The following TSC1 variants were observed in gnomAD, a reference collection of about 807,000 sequenced individuals.
The protein encoded by TSC1 is hamartin.
In TSC1, 20 loss-of-function variants were observed where a neutral mutation model predicts 124.3. That is an observed-to-expected ratio of 0.16 (90% confidence interval 0.11 to 0.23). TSC1 has a LOEUF of 0.23. TSC1 is among the 10% of genes least tolerant of loss of function. The pLI is 1.00. For synonymous variants in TSC1, 493 were observed against 539.1 expected (o/e 0.91, Z 1.19); for missense variants, 1,124 against 1,448.5 (o/e 0.78, Z 3.64).
chr9:132,944,750 A>C (rs1045079641), upstream of TSC1: 4 of 397,148 alleles, frequency 1.0e-5, no homozygotes, highest in Non-Finnish European at 1.8e-5. Context: ...CGGAAGGAAG[A>C]GGCTCTTCCA....
rs397514799 is a variant in TSC1, at chr9:132,903,806, AAGG to A, written c.2050_2052del (p.Pro684del). The A allele has an allele frequency of 2.5e-6, 4 of 1,613,784 alleles. No individual in the cohort carries two copies. Among genetic ancestry groups the A allele is most frequent in the African/African-American group, 1.3e-5 (1 of 74,898 alleles). ...TCTCGGAGGGTGCGGATCTCATCTG[AAGG>A]AGGAGAGCCTGATTGTAAAGCAGAG... is the stretch of plus-strand genomic sequence containing the variant. On this transcript the variant is annotated inframe_deletion, in exon 17 of 23. Transcript: ENST00000298552. The surrounding 1 kb of genome is among the most constrained non-coding windows in gnomAD (Gnocchi z 5.9).
rs143549363 is a variant in TSC1 at position 132,893,341 on chromosome 9, G to GT, written c.*2893dup. ...CCTTGACCTTCCTACCTTTGGGTTT[G>GT]TTTTTTTTCTATTCATGACCACGTG... On this transcript the variant is annotated 3_prime_UTR_variant, in exon 23 of 23. Coordinates refer to ENST00000298552, the MANE Select transcript of TSC1 (RefSeq NM_000368.5). 3.9e-5 allele frequency: 9 copies of GT among 232,754 alleles called. No homozygotes were observed. Among genetic ancestry groups the GT allele is most frequent in the Non-Finnish European group, 5.9e-5 (7 of 117,956 alleles). The allele number at this position is 232,754 out of a possible 1,614,324, so 14.4% of individuals were successfully genotyped here. A position where few individuals can be genotyped will look rare whatever the true frequency, so the allele number is the denominator to read the frequency against.
intron 8 of TSC1, among the ~76,000 whole-genome samples, chr9:132,914,981 C>A (rs752000057): frequency 6.6e-6 from 1 of 152,108 alleles, no homozygotes. Context: ...TCAAGACCAG[C>A]CTGGGCAACA....
rs114754502 is a variant in TSC1 at position 132,900,051 on chromosome 9, T to C, written c.2625+664A>G. The stretch of plus-strand genomic sequence containing the variant: ...TCTCTCCAGTTCTAAGACTCCTCTC[T>C]ACATCCGGCCGAAAAAGACTCTTTA... On this transcript the variant is annotated intron_variant, in intron 20 of 22. Coordinates refer to ENST00000298552, the MANE Select transcript of TSC1 (RefSeq NM_000368.5). The C allele has an allele frequency of 3.4e-3, 527 of 155,716 alleles. 4 individuals are homozygous for C. Among genetic ancestry groups the C allele is most frequent in the African/African-American group, 0.012 (491 of 41,570 alleles). 9.6% of individuals were successfully genotyped at this position (155,716 alleles called of 1,614,324 possible). A position where few individuals can be genotyped will look rare whatever the true frequency, so the allele number is the denominator to read the frequency against.
chr9:132,920,218 C>A (rs973685152), intron 8 of TSC1, among the ~76,000 whole-genome samples: 5 of 152,222 alleles, frequency 3.3e-5, no homozygotes, highest in African/African-American at 1.2e-4. Context: ...GTCCTCCTCT[C>A]ATCTCCTGGA....
At chr9:132,922,214 T>G (rs1846606723) in intron 6 of TSC1, among the ~76,000 whole-genome samples, 1 of 152,236 alleles carries the variant, frequency 6.6e-6, no homozygotes, top group Non-Finnish European at 1.5e-5. Context: ...ACTAGTATGA[T>G]CCATGAAGGC....
intron 8 of TSC1, among the ~76,000 whole-genome samples, chr9:132,916,730 C>A (rs2132069411): frequency 6.6e-6 from 1 of 152,268 alleles, no homozygotes; most frequent in South Asian, 2.1e-4. Context: ...TAATGAAATG[C>A]AAAGAATCCA....
chr9:132,927,256 G>A lies in TSC1; in HGVS notation c.155C>T (p.Thr52Ile). Reference sequence around the variant, plus strand: ...GATGTGCAATGCCGGCTGAGAGCTGGTTTCCAGGTAATAATCCACCAAGGT... The same window carrying A: ...GATGTGCAATGCCGGCTGAGAGCTGATTTCCAGGTAATAATCCACCAAGGT... ...VNTLVDYYLETSSQPALHILT... is the reference protein window; with the variant it reads ...VNTLVDYYLEISSQPALHILT... Residue 52 changes from threonine to isoleucine, a missense_variant, in exon 4 of 23, where the codon ACC becomes ATC. Around this residue, in one of 5 missense-constraint regions of TSC1, gnomAD observed 463 missense variants for 606.8 expected, o/e 0.76. Coordinates refer to ENST00000298552, the MANE Select transcript of TSC1 (RefSeq NM_000368.5). 6.2e-7 allele frequency: 1 copy of A among 1,614,058 alleles called. No homozygotes were observed. The highest frequency in any genetic ancestry group is 8.5e-7 in the Non-Finnish European group (1 of 1,179,966).
Position 132,931,939 on chromosome 9 carries a change from G to A in TSC1, c.-80-2987C>T, listed in dbSNP as rs557293897. ...TAAACACACTTTACAGCCTATAGAA[G>A]ACTGGCTGAGAAAAGTCAATTAAAG... On this transcript the variant is annotated intron_variant, in intron 2 of 22. Transcript: ENST00000298552. Among the ~76,000 whole-genome samples, 3 of 152,282 alleles carry A rather than the reference G, an allele frequency of 2.0e-5. No homozygotes were observed. In the East Asian group the frequency reaches 5.8e-4, roughly 29 times the overall value.
At chr9:132,914,247 G>A (rs1377349165) in intron 8 of TSC1, among the ~76,000 whole-genome samples, 1 of 152,002 alleles carries the variant, frequency 6.6e-6, no homozygotes, top group Non-Finnish European at 1.5e-5. Context: ...GTGATCCATG[G>A]TTTCACTTCT....
chr9:132,920,512 C>A (rs1170016240), intron 8 of TSC1, among the ~76,000 whole-genome samples: 1 of 152,136 alleles, frequency 6.6e-6, no homozygotes, highest in Non-Finnish European at 1.5e-5. Flanking sequence ...ATTTTCTATA[C>A]TTCTCTACAT....
Position 132,903,898 on chromosome 9 carries a change from C to G in TSC1, c.2042-81G>C. 6.6e-7 allele frequency: 1 copy of G among 1,524,250 alleles called. No homozygotes were observed. The highest frequency in any genetic ancestry group is 2.3e-5 in the East Asian group (1 of 44,424). The allele number at this position is 1,524,250 out of a possible 1,614,324, so 94.4% of individuals were successfully genotyped here. On this transcript the variant is annotated intron_variant, in intron 16 of 22. Transcript: ENST00000298552. This position sits in a 1 kb window ranked among gnomAD's most constrained non-coding sequence, Gnocchi z 5.9. ...AAGCCCCCTTCCCATGTGTTGTTAG[C>G]TTAACAAACACAATTCTTTAAAAAC... is the stretch of plus-strand genomic sequence containing the variant.
intron 19 of TSC1, 63 bp from the exon 20 acceptor site, chr9:132,900,900 T>C: frequency 6.2e-7 from 1 of 1,610,872 alleles, no homozygotes. Flanking sequence ...ATAGACGTCA[T>C]TAAACAGGGA....
Position 132,923,652 on chromosome 9 carries a change from C to A in TSC1, c.364-160G>T. 1.0e-6 allele frequency: 1 copy of A among 987,592 alleles called. No individual in the cohort carries two copies. Among genetic ancestry groups the A allele is most frequent in the Admixed American group, 2.0e-5 (1 of 49,272 alleles). The allele number at this position is 987,592 out of a possible 1,614,324, so 61.2% of individuals were successfully genotyped here. A position where few individuals can be genotyped will look rare whatever the true frequency, so the allele number is the denominator to read the frequency against. On this transcript the variant is annotated intron_variant, in intron 5 of 22. Coordinates refer to ENST00000298552, the MANE Select transcript of TSC1 (RefSeq NM_000368.5). This position sits in a 1 kb window ranked among gnomAD's most constrained non-coding sequence, Gnocchi z 4.2. ...TCCCTAAGGATTACTGAAGGGATAACATTCAAACAGACTCAACAGAACACT... is the reference window on the plus strand; with the variant it reads ...TCCCTAAGGATTACTGAAGGGATAAAATTCAAACAGACTCAACAGAACACT...
In TSC1 at chr9:132,902,626, G is replaced by A. The variant is rs1845442273; in HGVS notation, c.2370C>T (p.Tyr790=). Residue 790 remains tyrosine, a synonymous_variant, in exon 18 of 23, where the codon TAC becomes TAT. Coordinates refer to ENST00000298552, the MANE Select transcript of TSC1 (RefSeq NM_000368.5). The surrounding 1 kb of genome is among the most constrained non-coding windows in gnomAD (Gnocchi z 5.2). Reference sequence around the variant, plus strand: ...ATACCTGTAATTCCTGGCTCTGGTTGTAGAATTCCTCTCGGTCATGCTGCA... The same window carrying A: ...ATACCTGTAATTCCTGGCTCTGGTTATAGAATTCCTCTCGGTCATGCTGCA... The part of the protein sequence containing the change: ...RQLQHDREEF[Y]NQSQELQTKL... The A allele has an allele frequency of 6.2e-7, 1 of 1,614,136 alleles. No homozygotes were observed. Among genetic ancestry groups the A allele is most frequent in the East Asian group, 2.2e-5 (1 of 44,884 alleles).
chr9:132,910,817 G>T, intron 11 of TSC1, 125 bp from the exon 12 acceptor site: 1 of 1,447,372 alleles, frequency 6.9e-7, no homozygotes, highest in Non-Finnish European at 9.7e-7. Context: ...TGGGGATCTA[G>T]ATCAGTCTCT....
rs1005786246 is a variant in TSC1, at chr9:132,896,832, A to G, written c.2976-78T>C. On this transcript the variant is annotated intron_variant, in intron 22 of 22. Coordinates refer to ENST00000298552, the MANE Select transcript of TSC1 (RefSeq NM_000368.5). The surrounding 1 kb of genome is among the most constrained non-coding windows in gnomAD (Gnocchi z 4.5). Reference sequence around the variant, plus strand: ...TCGGAGGATGTGGAATTACACTGACACTCACTCACACTGACACTGAACTCC... The same window carrying G: ...TCGGAGGATGTGGAATTACACTGACGCTCACTCACACTGACACTGAACTCC... 2 of 1,601,546 alleles carry G rather than the reference A, an allele frequency of 1.2e-6. No individual in the cohort carries two copies. The highest frequency in any genetic ancestry group is 4.5e-5 in the East Asian group (2 of 44,808).
intron 19 of TSC1, 116 bp from the exon 20 acceptor site, chr9:132,900,953 C>T: frequency 6.8e-7 from 1 of 1,477,786 alleles, no homozygotes; most frequent in Non-Finnish European, 9.3e-7. Flanking sequence ...GCAAAATAAA[C>T]CAGTCCCATG....
rs2131841459 is a variant in TSC1, at chr9:132,906,010, G to A, written c.1568C>T (p.Ala523Val). 6.2e-7 allele frequency: 1 copy of A among 1,614,148 alleles called. No homozygotes were observed. Among genetic ancestry groups the A allele is most frequent in the Non-Finnish European group, 8.5e-7 (1 of 1,180,030 alleles). ...CACGCTGGCGCCCTGAGAACTGGAG[G>A]CTGCCGAGTGGGTCTTCCGCTGAGA... is the stretch of plus-strand genomic sequence containing the variant. ...PGSQRKTHSA[A>V]SSSQGASVNP... The change falls in exon 15 of 23, where the codon GCC (alanine) becomes GTC (valine). Residue 523 changes from alanine to valine, a missense_variant. By Grantham distance (64) the Ala-to-Val change is moderately conservative (BLOSUM62 0). This residue lies in a region of TSC1 where 321 missense variants were observed against 397.4 expected (regional missense o/e 0.81). Coordinates refer to ENST00000298552, the MANE Select transcript of TSC1 (RefSeq NM_000368.5). The surrounding 1 kb of genome is among the most constrained non-coding windows in gnomAD (Gnocchi z 4.1).
Sources: allele counts gnomAD v4.1 joint callset (sites outside exome capture counted in the v4.1 genomes callset), GRCh38; gene constraint gnomAD v4.1.1; regional missense constraint gnomAD v4.1.1; non-coding constraint Gnocchi (gnomAD v3.1); transcripts MANE v1.5; gene names NCBI Gene and HGNC (gene_info 2026-07-23, HGNC 2026-07-21).